The following DISP1 variants were observed in gnomAD, a reference collection of about 807,000 sequenced individuals.
DISP1 encodes the protein protein dispatched homolog 1.
DISP1 carries 30 observed loss-of-function variants against 37.3 expected under a neutral mutation model. That is an observed-to-expected ratio of 0.80 (90% CI 0.60 to 1.09). The LOEUF (loss-of-function observed/expected upper bound fraction) is 1.09, where lower values mean the gene tolerates loss of function less well. Among genes scored for constraint, DISP1 ranks in the 50% least tolerant of loss-of-function variants. The pLI is 0.00. For missense variants in DISP1, 1,598 were observed against 1,879.5 expected, an observed-to-expected ratio of 0.85 and a Z score of 2.77; for synonymous variants, 634 against 690.2, an observed-to-expected ratio of 0.92 and a Z score of 1.28.
At chr1:222,885,869 TACACACAC>T (rs759925144) in intron 1 of DISP1, among the ~76,000 whole-genome samples, 8 of 149,120 alleles carry the variant, frequency 5.4e-5, no homozygotes, top group African/African-American at 1.2e-4. Flanking sequence ...ATCATGGGGA[TACACACAC>T]ACACACACAG....
In DISP1 at chr1:222,995,056, C is replaced by A. The variant is rs375632029; in HGVS notation, c.987+74C>A. On this transcript the variant is annotated intron_variant, in intron 8 of 8. Transcript: ENST00000675850. ...TATTGAAACTCCTTTTACTGCTGAC[C>A]CTGGTTTCTGATCAGATGAAAGTAC... 5 of 1,241,774 alleles carry A rather than the reference C, an allele frequency of 4.0e-6. No individual in the cohort carries two copies. The African/African-American group carries it at 7.4e-5, about 18-fold the overall frequency. 76.9% of individuals were successfully genotyped at this position (1,241,774 alleles called of 1,614,324 possible). A position where few individuals can be genotyped will look rare whatever the true frequency, so the allele number is the denominator to read the frequency against.
chr1:223,005,550 C>G lies in DISP1; in HGVS notation c.4153C>G (p.Leu1385Val). The G allele has an allele frequency of 6.2e-7, 1 of 1,614,098 alleles. No homozygotes were observed. The highest frequency in any genetic ancestry group is 8.5e-7 in the Non-Finnish European group (1 of 1,180,038). Residue 1385 changes from leucine (L) to valine (V), a missense_variant, in exon 9 of 9, where the codon CTT becomes GTT. Transcript: ENST00000675850. Reference protein sequence around the residue: ...HSLQRSIEEHLPKMAEPSSFV... With the variant: ...HSLQRSIEEHVPKMAEPSSFV... ...TCTTCAGAGGAGCATAGAAGAGCAT[C>G]TTCCAAAGATGGCAGAGCCATCGTC...
At chr1:222,981,775 T>G (rs1165510506) in intron 3 of DISP1, among the ~76,000 whole-genome samples, 1 of 152,218 alleles carries the variant, frequency 6.6e-6, no homozygotes, top group Non-Finnish European at 1.5e-5. Context: ...TTTGTTTTGT[T>G]TCTCCAAGTA....
intron 1 of DISP1, among the ~76,000 whole-genome samples, chr1:222,866,445 A>G (rs918970571): frequency 1.3e-4 from 20 of 151,986 alleles, no homozygotes; most frequent in African/African-American, 3.4e-4. Flanking sequence ...CCCAGGTTCA[A>G]GTAGTTCTCC....
chr1:222,922,354 T>A (rs1263358996), intron 1 of DISP1, among the ~76,000 whole-genome samples: 1 of 152,094 alleles, frequency 6.6e-6, no homozygotes, highest in Admixed American at 6.6e-5. Context: ...TAGGGTCACA[T>A]CTATTAGGCT....
At position 223,004,980 on chromosome 1, in the gene DISP1, G is replaced by T; in HGVS notation, c.3583G>T (p.Glu1195Ter). 6.2e-7 allele frequency: 1 copy of T among 1,613,996 alleles called. No homozygotes were observed. The highest frequency in any genetic ancestry group is 8.5e-7 in the Non-Finnish European group (1 of 1,180,030). Residue 1195 changes from glutamate to a stop codon, truncating the protein, a stop_gained, in exon 9 of 9, where the codon GAA (glutamate) becomes TAA (stop). Transcript: ENST00000675850. LOFTEE classifies it low-confidence loss of function (END_TRUNC). The surrounding 1 kb of genome is among the most constrained non-coding windows in gnomAD (Gnocchi z 4.9). The part of the protein sequence containing the change: ...SELEHEFYEL[E>*]PLASHSCTAP... ...ACTGGAGCATGAGTTTTATGAATTA[G>T]AACCTCTGGCTTCCCACAGCTGCAC... is the stretch of plus-strand genomic sequence containing the variant.
chr1:223,000,612 A>G (rs937273778), intron 8 of DISP1, among the ~76,000 whole-genome samples: 1 of 152,220 alleles, frequency 6.6e-6, no homozygotes, highest in African/African-American at 2.4e-5. Flanking sequence ...AAAAGTAGAG[A>G]AATAGTATAA....
intron 1 of DISP1, among the ~76,000 whole-genome samples, chr1:222,922,809 A>G (rs17163585): frequency 0.089 from 13,582 of 152,210 alleles, 638 homozygotes; most frequent in South Asian, 0.18. Context: ...CAAGATTTAG[A>G]ATAACAGAAT....
intron 1 of DISP1, among the ~76,000 whole-genome samples, chr1:222,854,950 A>G (rs1668470244): frequency 6.6e-6 from 1 of 152,054 alleles, no homozygotes; most frequent in Non-Finnish European, 1.5e-5. Flanking sequence ...TCATTTTCAA[A>G]CTTGTCCAGA....
At chr1:222,903,174 C>G (rs1305406824) in intron 1 of DISP1, among the ~76,000 whole-genome samples, 1 of 151,520 alleles carries the variant, frequency 6.6e-6, no homozygotes, top group Non-Finnish European at 1.5e-5. Flanking sequence ...AACTGGAAAT[C>G]ATTCTCAGCA....
intron 1 of DISP1, among the ~76,000 whole-genome samples, chr1:222,894,097 G>A (rs902222825): frequency 1.3e-5 from 2 of 152,120 alleles, no homozygotes; most frequent in Non-Finnish European, 1.5e-5. Context: ...GGTGGTTATG[G>A]GTCTCATAAG....
intron 1 of DISP1, among the ~76,000 whole-genome samples, chr1:222,913,402 C>A (rs1672315412): frequency 6.6e-6 from 1 of 152,022 alleles, no homozygotes; most frequent in Non-Finnish European, 1.5e-5. Flanking sequence ...AGAATATGAA[C>A]TTCCAAGTTA....
chr1:222,977,843 T>C (rs147506217), intron 3 of DISP1, among the ~76,000 whole-genome samples: 2,560 of 152,328 alleles, frequency 0.017, 69 homozygotes, highest in South Asian at 0.11. Context: ...GCTTCATCCA[T>C]GTTCCTACAA....
chr1:223,002,666 T>A lies in DISP1; in HGVS notation c.1269T>A (p.Ala423=). 6.2e-7 allele frequency: 1 copy of A among 1,614,166 alleles called. No homozygotes were observed. Among genetic ancestry groups the A allele is most frequent in the Non-Finnish European group, 8.5e-7 (1 of 1,180,034 alleles). ...CACGCAAATGTACCAAGTACAATGC[T>A]GTGTACCAGATCCTCCATTACTTGG... ...NVPRKCTKYN[A]VYQILHYLVD... is the part of the protein sequence containing the mutation. The change falls in exon 9 of 9, where the codon GCT becomes GCA. Residue 423 remains alanine (A), a synonymous_variant. Transcript: ENST00000675850.
chr1:222,823,571 AC>A (rs1368733239), intron 1 of DISP1, among the ~76,000 whole-genome samples: 2 of 152,218 alleles, frequency 1.3e-5, no homozygotes, highest in Admixed American at 6.5e-5. Flanking sequence ...GGTACAACAT[AC>A]ATTCTTTGGG....
At chr1:222,899,316 T>A (rs1452043543) in intron 1 of DISP1, among the ~76,000 whole-genome samples, 1 of 152,216 alleles carries the variant, frequency 6.6e-6, no homozygotes, top group Non-Finnish European at 1.5e-5. Flanking sequence ...AAAAGTTATT[T>A]GTTTTCAGTA....
At chr1:222,851,107 C>T (rs1456385978) in intron 1 of DISP1, among the ~76,000 whole-genome samples, 3 of 142,336 alleles carry the variant, frequency 2.1e-5, no homozygotes, top group South Asian at 2.2e-4. Context: ...ACTCTTGTTG[C>T]CCAGGCTGAA....
intron 1 of DISP1, among the ~76,000 whole-genome samples, chr1:222,832,561 C>T (rs1666017434): frequency 6.6e-6 from 1 of 152,138 alleles, no homozygotes; most frequent in African/African-American, 2.4e-5. Context: ...AATTTGACTT[C>T]TTTTGGATAT....
At chr1:222,876,139 A>C (rs532733967) in intron 1 of DISP1, among the ~76,000 whole-genome samples, 8 of 152,326 alleles carry the variant, frequency 5.3e-5, no homozygotes, top group African/African-American at 1.9e-4. Context: ...TTTTTAGGAC[A>C]TCTGCCACAG....
Sources: allele counts gnomAD v4.1 joint callset (sites outside exome capture counted in the v4.1 genomes callset), GRCh38; gene constraint gnomAD v4.1.1; non-coding constraint Gnocchi (gnomAD v3.1); transcripts MANE v1.5; gene names NCBI Gene and HGNC (gene_info 2026-07-23, HGNC 2026-07-21).